Variants in NDUFS2 observed in about 807,000 individuals in gnomAD.
NDUFS2 encodes NADH dehydrogenase [ubiquinone] iron-sulfur protein 2, mitochondrial.
NDUFS2 carries 38 observed loss-of-function variants against 69.6 expected under a neutral mutation model. That is an observed-to-expected ratio of 0.55 (90% CI 0.42 to 0.72). The LOEUF is 0.72. NDUFS2 is among the 30% of genes least tolerant of loss of function. NDUFS2 has a pLI of 0.00. For synonymous variants in NDUFS2, 194 were observed against 211.2 expected (o/e 0.92, Z 0.70); for missense variants, 468 against 595.0 (o/e 0.79, Z 2.22).
At chr1:161,200,945 C>G (rs1204489507), upstream of NDUFS2, among the ~76,000 whole-genome samples, 1 of 152,194 alleles carries the variant, frequency 6.6e-6, no homozygotes, top group Non-Finnish European at 1.5e-5. Flanking sequence ...CCACCCCAGT[C>G]CCAGCTCAAG....
At chr1:161,198,157 C>T (rs760453310), upstream of NDUFS2, 1 of 1,614,006 alleles carries the variant, frequency 6.2e-7, no homozygotes, top group Non-Finnish European at 8.5e-7. The surrounding 1 kb of genome is among the most constrained non-coding windows in gnomAD (Gnocchi z 4.7). Context: ...GGAGTTCAGC[C>T]CCCCGATATT....
At chr1:161,203,135 C>T (rs186804098) in intron 1 of NDUFS2, among the ~76,000 whole-genome samples, 12 of 152,088 alleles carry the variant, frequency 7.9e-5, no homozygotes, top group Admixed American at 5.9e-4. Context: ...GGAGAAACCC[C>T]CGTCTTTAAA....
chr1:161,202,273 G>A, upstream of NDUFS2: 1 of 1,058,942 alleles, frequency 9.4e-7, no homozygotes, highest in Admixed American at 2.0e-5. Flanking sequence ...AAACGACCCT[G>A]CCAGCTTCCA....
upstream of NDUFS2, chr1:161,202,049 A>C: frequency 2.4e-6 from 1 of 424,808 alleles, no homozygotes; most frequent in Non-Finnish European, 4.4e-6. Flanking sequence ...TAGGGAAGGA[A>C]GCGCCGCGCG....
At chr1:161,209,389 C>T in intron 4 of NDUFS2, 76 bp downstream of exon 4, 2 of 1,611,134 alleles carry the variant, frequency 1.2e-6, no homozygotes, top group Non-Finnish European at 1.7e-6. Flanking sequence ...CCCGTTGAAC[C>T]CAAGCTTAGT....
intron 5 of NDUFS2, 45 bp from the exon 6 acceptor site, chr1:161,209,812 G>A (rs761035478): frequency 1.1e-5 from 17 of 1,596,226 alleles, no homozygotes; most frequent in Middle Eastern, 1.7e-4. Flanking sequence ...CATAGGACCT[G>A]GGGGCCTGGG....
intron 6 of NDUFS2, 75 bp from the exon 7 acceptor site, chr1:161,210,036 G>A: frequency 6.3e-7 from 1 of 1,590,156 alleles, no homozygotes; most frequent in Non-Finnish European, 8.6e-7. Context: ...TGTATCGCTG[G>A]GGGAGGGGGT....
upstream of NDUFS2, chr1:161,199,504 GAA>G (rs1420124776): frequency 2.0e-5 from 3 of 152,326 alleles, no homozygotes; most frequent in African/African-American, 7.2e-5. Flanking sequence ...AGCTGCCTGA[GAA>G]AAGAGGGTAG....
At chr1:161,208,700 C>A (rs964526605) in intron 3 of NDUFS2, among the ~76,000 whole-genome samples, 1 of 152,130 alleles carries the variant, frequency 6.6e-6, no homozygotes, top group Non-Finnish European at 1.5e-5. Context: ...TTGAACATAG[C>A]CATTGTCAGA....
Position 161,206,595 on chromosome 1 carries a change from C to T in NDUFS2, c.391C>T (p.Gln131Ter). 1 of 1,613,122 alleles carries T rather than the reference C, an allele frequency of 6.2e-7. No individual in the cohort carries two copies. Among genetic ancestry groups the T allele is most frequent in the Non-Finnish European group, 8.5e-7 (1 of 1,179,954 alleles). ...EKLIEYKTYL[Q>*]ALPYFDRLDY... is the part of the protein sequence containing the mutation. The stretch of plus-strand genomic sequence containing the variant: ...GCTCATTGAATACAAGACCTATCTT[C>T]AGGTGTGGGGGGTGAACAGGAGCCT... Residue 131 changes from glutamine (Q) to a stop codon, truncating the protein, a stop_gained and splice_region_variant, in exon 3 of 14, where the codon CAG (glutamine) becomes TAG (stop). Coordinates refer to ENST00000676972, the MANE Select transcript of NDUFS2 (RefSeq NM_001377299.1). LOFTEE classifies it high-confidence loss of function.
At chr1:161,210,839 T>G in intron 9 of NDUFS2, 129 bp downstream of exon 9, 1 of 1,419,806 alleles carries the variant, frequency 7.0e-7, no homozygotes, top group Non-Finnish European at 9.8e-7. Flanking sequence ...TAGACGAGGT[T>G]GCTCTCAAAA....
At chr1:161,202,142 C>T (rs1305801403), upstream of NDUFS2, 2 of 575,474 alleles carry the variant, frequency 3.5e-6, no homozygotes, top group Non-Finnish European at 6.3e-6. Flanking sequence ...CTTGCTCGCT[C>T]CTAGAAAAGC....
At chr1:161,198,463 G>A (rs1378675203), upstream of NDUFS2, 4 of 1,572,152 alleles carry the variant, frequency 2.5e-6, no homozygotes, top group Non-Finnish European at 2.6e-6. The surrounding 1 kb of genome is among the most constrained non-coding windows in gnomAD (Gnocchi z 4.7). Context: ...CCTCCCGGGG[G>A]AGGGGGCTGG....
In NDUFS2 at chr1:161,214,352, A is replaced by G. The variant is rs1488096780; in HGVS notation, c.*159A>G. ...CTTTCTGTGCATGTACTAAAAAAGG[A>G]GAAATTATAATAAATTAGCCGTCTT... On this transcript the variant is annotated 3_prime_UTR_variant, in exon 14 of 14. Transcript: ENST00000676972. 1.5e-5 allele frequency: 11 copies of G among 755,162 alleles called. No individual in the cohort carries two copies. In the East Asian group the frequency reaches 3.0e-4, roughly 21 times the overall value. The allele number at this position is 755,162 out of a possible 1,614,324, so 46.8% of individuals were successfully genotyped here. A position where few individuals can be genotyped will look rare whatever the true frequency, so the allele number is the denominator to read the frequency against.
At chr1:161,209,816 GC>G in intron 5 of NDUFS2, 40 bp from the exon 6 acceptor site, 1 of 1,600,356 alleles carries the variant, frequency 6.2e-7, no homozygotes, top group Non-Finnish European at 8.5e-7. Context: ...GGACCTGGGG[GC>G]CTGGGACTTT....
intron 11 of NDUFS2, 83 bp downstream of exon 11, chr1:161,213,558 TGA>T (rs1665888861): frequency 4.5e-6 from 7 of 1,540,884 alleles, no homozygotes; most frequent in Admixed American, 3.3e-5. Context: ...CATTCATCAA[TGA>T]GAGAGAAAAC....
upstream of NDUFS2, among the ~76,000 whole-genome samples, chr1:161,201,589 A>G (rs1665123543): frequency 6.6e-6 from 1 of 152,196 alleles, no homozygotes; most frequent in African/African-American, 2.4e-5. Flanking sequence ...CAGGGTCAGA[A>G]AGACGTTAGG....
At chr1:161,213,029 C>G in intron 10 of NDUFS2, 1 of 338,202 alleles carries the variant, frequency 3.0e-6, no homozygotes, top group Admixed American at 4.1e-5. Flanking sequence ...CTTAGTCTCC[C>G]GAGTAGCTGG....
chr1:161,210,648 T>G lies in NDUFS2; in HGVS notation c.924T>G (p.Tyr308Ter). The G allele has an allele frequency of 6.2e-7, 1 of 1,614,210 alleles. No homozygotes were observed. Among genetic ancestry groups the G allele is most frequent in the Non-Finnish European group, 8.5e-7 (1 of 1,180,036 alleles). ...IQWDLRKTQP[Y>*]DVYDQVEFDV... ...GGGACCTGCGGAAGACCCAGCCCTA[T>G]GATGTTTACGACCAGGTTGAGTTTG... Residue 308 changes from tyrosine to a stop codon, truncating the protein, a stop_gained, in exon 9 of 14, where the codon TAT (tyrosine) becomes TAG (stop). Coordinates refer to ENST00000676972, the MANE Select transcript of NDUFS2 (RefSeq NM_001377299.1). LOFTEE classifies it high-confidence loss of function.
Sources: allele counts gnomAD v4.1 joint callset (sites outside exome capture counted in the v4.1 genomes callset), GRCh38; gene constraint gnomAD v4.1.1; non-coding constraint Gnocchi (gnomAD v3.1); transcripts MANE v1.5; gene names NCBI Gene and HGNC (gene_info 2026-07-23, HGNC 2026-07-21).